COMMD10: variants seen among roughly 807,000 people sequenced by gnomAD.
COMMD10 encodes the protein COMM domain-containing protein 10.
A neutral mutation model predicts 28.9 loss-of-function variants in COMMD10; 33 were observed. The observed-to-expected ratio is 1.14, with a 90% CI of 0.87 to 1.53. The LOEUF is 1.53. Ranked by LOEUF, COMMD10 falls within the 40% of genes most tolerant of loss-of-function variation. The pLI, the probability that COMMD10 is intolerant of heterozygous loss-of-function variation, is 0.00. For synonymous variants in COMMD10, 110 were observed against 81.7 expected (o/e 1.35, Z -1.87); for missense variants, 310 against 233.4 (o/e 1.33, Z -2.14).
At chr5:116,241,893 AG>A (rs1243787839) in intron 5 of COMMD10, among the ~76,000 whole-genome samples, 2 of 152,188 alleles carry the variant, frequency 1.3e-5, no homozygotes, top group East Asian at 3.9e-4. Flanking sequence ...CTGGGATTAC[AG>A]GCGTGAGCCA....
chr5:116,254,278 T>C (rs1237009333), intron 5 of COMMD10, among the ~76,000 whole-genome samples: 1 of 152,074 alleles, frequency 6.6e-6, no homozygotes, highest in Non-Finnish European at 1.5e-5. Flanking sequence ...TTTGAAGGTT[T>C]TTTTGTGTCT....
At position 116,132,522 on chromosome 5, in the gene COMMD10, AT is replaced by A; in HGVS notation, c.400-1543del. Among the ~76,000 whole-genome samples the A allele has an allele frequency of 6.6e-5, 10 of 152,258 alleles. 2 individuals carry two copies. In the South Asian group the frequency reaches 2.1e-3, roughly 31 times the overall value. Reference sequence around the variant, plus strand: ...TGATCACAGTGGGGTGTGAGTTTTAATTTATTCACTTGATATCTCTCTTCAT... The same window carrying A: ...TGATCACAGTGGGGTGTGAGTTTTAATTATTCACTTGATATCTCTCTTCAT... On this transcript the variant is annotated intron_variant, in intron 4 of 6. Coordinates refer to ENST00000274458, the MANE Select transcript of COMMD10 (RefSeq NM_016144.4).
In COMMD10 at chr5:116,271,215, AAC is replaced by A. The variant is rs1013225885; in HGVS notation, c.511-20300_511-20299del. Among the ~76,000 whole-genome samples the A allele has an allele frequency of 7.3e-5, 9 of 123,870 alleles. 1 individual carries two copies. Among genetic ancestry groups the A allele is most frequent in the East Asian group, 4.5e-4 (2 of 4,454 alleles). The allele number at this position is 123,870 out of a possible 152,430, so 81.3% of individuals were successfully genotyped here. A position where few individuals can be genotyped will look rare whatever the true frequency, so the allele number is the denominator to read the frequency against. On this transcript the variant is annotated intron_variant, in intron 5 of 6. Coordinates refer to ENST00000274458, the MANE Select transcript of COMMD10 (RefSeq NM_016144.4). ...TTTATGTCAGTTTTTAATAAACATAAACATGGGGAAAATTCACATGATAGTAA... is the reference window on the plus strand; with the variant it reads ...TTTATGTCAGTTTTTAATAAACATAAATGGGGAAAATTCACATGATAGTAA...
At chr5:116,178,920 G>A (rs1747848521) in intron 5 of COMMD10, among the ~76,000 whole-genome samples, 1 of 152,032 alleles carries the variant, frequency 6.6e-6, no homozygotes, top group Non-Finnish European at 1.5e-5. Flanking sequence ...AATTACATTA[G>A]ATACATGTTA....
chr5:116,166,943 C>T (rs2112574921), intron 5 of COMMD10, among the ~76,000 whole-genome samples: 1 of 152,184 alleles, frequency 6.6e-6, no homozygotes, highest in East Asian at 1.9e-4. Flanking sequence ...GCCCATTCTC[C>T]TCCAAAGGAT....
chr5:116,218,747 G>T (rs185872769), intron 5 of COMMD10, among the ~76,000 whole-genome samples: 67 of 152,238 alleles, frequency 4.4e-4, no homozygotes, highest in African/African-American at 1.4e-3. Context: ...ACATTTTAGG[G>T]ACAGTCCTGA....
At chr5:116,248,654 C>G (rs914274718) in intron 5 of COMMD10, among the ~76,000 whole-genome samples, 8 of 151,896 alleles carry the variant, frequency 5.3e-5, no homozygotes, top group African/African-American at 1.9e-4. Context: ...TCATACAGGT[C>G]TCTGTTGGTT....
chr5:116,280,397 G>A (rs1041702828), intron 5 of COMMD10, among the ~76,000 whole-genome samples: 1 of 151,786 alleles, frequency 6.6e-6, no homozygotes, highest in Admixed American at 6.6e-5. Flanking sequence ...CCCTTTGGTT[G>A]CCAAGATTGA....
At chr5:116,186,153 G>C (rs971514766) in intron 5 of COMMD10, among the ~76,000 whole-genome samples, 1 of 152,066 alleles carries the variant, frequency 6.6e-6, no homozygotes, top group African/African-American at 2.4e-5. Flanking sequence ...TCGAATGAAG[G>C]TAACAAATTA....
intron 4 of COMMD10, among the ~76,000 whole-genome samples, chr5:116,125,120 C>T (rs1235346758): frequency 1.3e-5 from 2 of 152,062 alleles, no homozygotes; most frequent in South Asian, 2.1e-4. Context: ...TTATTTTCCT[C>T]GTTAGTTGAT....
At chr5:116,105,342 C>G (rs917910085) in intron 4 of COMMD10, among the ~76,000 whole-genome samples, 1 of 152,146 alleles carries the variant, frequency 6.6e-6, no homozygotes, top group African/African-American at 2.4e-5. Context: ...ATTTGATGTG[C>G]TGCTGGATTT....
chr5:116,208,985 CT>C (rs1434059193), intron 5 of COMMD10, among the ~76,000 whole-genome samples: 1 of 151,954 alleles, frequency 6.6e-6, no homozygotes, highest in African/African-American at 2.4e-5. Context: ...TAAATTTTTA[CT>C]TTTGTTTTTT....
At chr5:116,091,355 A>C (rs1212821384) in intron 3 of COMMD10, among the ~76,000 whole-genome samples, 166 bp downstream of exon 3, 1 of 152,200 alleles carries the variant, frequency 6.6e-6, no homozygotes, top group South Asian at 2.1e-4. Context: ...GAATATTGTA[A>C]AGTATTTAAA....
chr5:116,264,590 A>G (rs1309393528), intron 5 of COMMD10, among the ~76,000 whole-genome samples: 1 of 151,936 alleles, frequency 6.6e-6, no homozygotes, highest in Non-Finnish European at 1.5e-5. Flanking sequence ...ATTTGAAAAC[A>G]GAAGCCTGAG....
rs145158186 is a variant in COMMD10 at position 116,270,225 on chromosome 5, A to G, written c.511-21292A>G. On this transcript the variant is annotated intron_variant, in intron 5 of 6. Transcript: ENST00000274458. ...CTGGATGCTTTATTTAGGCTTTTCGAAAGCAAAAAAAGTTTATACATTGTT... is the reference window on the plus strand; with the variant it reads ...CTGGATGCTTTATTTAGGCTTTTCGGAAGCAAAAAAAGTTTATACATTGTT... 7.9e-5 allele frequency among the ~76,000 whole-genome samples: 12 copies of G among 152,024 alleles called. 1 individual carries two copies. Among genetic ancestry groups the G allele is most frequent in the African/African-American group, 2.9e-4 (12 of 41,336 alleles).
At chr5:116,150,841 C>A (rs910600491) in intron 5 of COMMD10, among the ~76,000 whole-genome samples, 4 of 140,982 alleles carry the variant, frequency 2.8e-5, no homozygotes, top group Admixed American at 1.5e-4. Flanking sequence ...TAATTGAATA[C>A]CCTTTATTTC....
intron 5 of COMMD10, among the ~76,000 whole-genome samples, chr5:116,245,505 C>A (rs1307874490): frequency 6.6e-6 from 1 of 152,008 alleles, no homozygotes; most frequent in Admixed American, 6.6e-5. Flanking sequence ...CTAGCATCAC[C>A]CTGATACCAA....
chr5:116,257,486 G>C (rs1449248782), intron 5 of COMMD10, among the ~76,000 whole-genome samples: 1 of 151,574 alleles, frequency 6.6e-6, no homozygotes, highest in Admixed American at 6.6e-5. Flanking sequence ...AAATGCATAG[G>C]AGGGCATTTT....
intron 5 of COMMD10, among the ~76,000 whole-genome samples, chr5:116,204,538 A>G (rs958441577): frequency 3.3e-5 from 5 of 152,138 alleles, no homozygotes; most frequent in Non-Finnish European, 1.5e-5. Context: ...GGAAATATCT[A>G]ATAGTATAAT....
Sources: allele counts gnomAD v4.1 joint callset (sites outside exome capture counted in the v4.1 genomes callset), GRCh38; gene constraint gnomAD v4.1.1; transcripts MANE v1.5; gene names NCBI Gene and HGNC (gene_info 2026-07-23, HGNC 2026-07-21).